The following CNTN6 variants were observed in gnomAD, a reference collection of about 807,000 sequenced individuals.
CNTN6 encodes contactin 6.
In CNTN6, 137 loss-of-function variants were observed where a neutral mutation model predicts 122.8. The observed-to-expected ratio is 1.12, with a 90% CI of 0.97 to 1.29. CNTN6 has a LOEUF of 1.29. Ranked by LOEUF, CNTN6 falls within the 50% of genes most tolerant of loss-of-function variation. The pLI, the probability that CNTN6 is intolerant of heterozygous loss-of-function variation, is 0.00. For synonymous variants in CNTN6, 570 were observed against 426.0 expected, an observed-to-expected ratio of 1.34 and a Z score of -4.16; for missense variants, 1,634 against 1,223.4, an observed-to-expected ratio of 1.34 and a Z score of -5.01.
At chr3:1,290,433 G>T (rs1695139166) in intron 5 of CNTN6, among the ~76,000 whole-genome samples, 1 of 152,140 alleles carries the variant, frequency 6.6e-6, no homozygotes, top group Non-Finnish European at 1.5e-5. Context: ...GAAGGCTAAA[G>T]GTGAGGAGGA....
intron 1 of CNTN6, among the ~76,000 whole-genome samples, chr3:1,124,398 C>G (rs567795082): frequency 6.6e-6 from 1 of 151,914 alleles, no homozygotes; most frequent in Non-Finnish European, 1.5e-5. Context: ...TGTTTCAGTA[C>G]TCCAACCACA....
intron 2 of CNTN6, among the ~76,000 whole-genome samples, chr3:1,161,877 TATTGTA>T (rs934903097): frequency 6.6e-6 from 1 of 152,106 alleles, no homozygotes; most frequent in African/African-American, 2.4e-5. Context: ...CACTAAATGA[TATTGTA>T]ATTGTTTTGT....
chr3:1,342,227 T>A (rs1703992477), intron 11 of CNTN6, among the ~76,000 whole-genome samples: 1 of 152,120 alleles, frequency 6.6e-6, no homozygotes, highest in Admixed American at 6.6e-5. Context: ...CCTTCCGGGT[T>A]CAAGCAATTC....
intron 1 of CNTN6, among the ~76,000 whole-genome samples, chr3:1,127,873 T>C (rs2092219399): frequency 6.6e-6 from 1 of 151,930 alleles, no homozygotes; most frequent in Non-Finnish European, 1.5e-5. Context: ...TGTGTGTATA[T>C]ATACATGAAA....
rs867662707 is a variant in CNTN6, at chr3:1,160,367, T to C, written c.55+12304T>C. Among the ~76,000 whole-genome samples the C allele has an allele frequency of 1.5e-3, 173 of 112,514 alleles. 3 individuals are homozygous for C. Among genetic ancestry groups the C allele is most frequent in the Middle Eastern group, 4.3e-3 (1 of 230 alleles). The allele number at this position is 112,514 out of a possible 152,430, so 73.8% of individuals were successfully genotyped here. On this transcript the variant is annotated intron_variant, in intron 2 of 22. Coordinates refer to ENST00000446702, the MANE Select transcript of CNTN6 (RefSeq NM_001289080.2). The stretch of plus-strand genomic sequence containing the variant: ...CTGTATATATATATATATATATATA[T>C]ACACACTACCTATATGGTCATTTAG...
At chr3:1,287,421 C>G (rs1406196701) in intron 5 of CNTN6, among the ~76,000 whole-genome samples, 1 of 152,188 alleles carries the variant, frequency 6.6e-6, no homozygotes, top group Non-Finnish European at 1.5e-5. Flanking sequence ...TACAGCCCAT[C>G]TCTTACATTC....
At chr3:1,245,679 A>G (rs2094573344) in intron 4 of CNTN6, among the ~76,000 whole-genome samples, 1 of 151,920 alleles carries the variant, frequency 6.6e-6, no homozygotes, top group Non-Finnish European at 1.5e-5. Flanking sequence ...CCAAAAACCT[A>G]TTGAAATAAA....
At chr3:1,151,372 G>T (rs1206360286) in intron 2 of CNTN6, among the ~76,000 whole-genome samples, 2 of 152,116 alleles carry the variant, frequency 1.3e-5, no homozygotes, top group African/African-American at 4.8e-5. Flanking sequence ...CTGTTAGTCT[G>T]GTTCATTCCT....
chr3:1,233,651 C>T (rs751228566), intron 4 of CNTN6, among the ~76,000 whole-genome samples: 14 of 141,292 alleles, frequency 9.9e-5, no homozygotes, highest in Non-Finnish European at 1.5e-4. Flanking sequence ...AGGAGAATCG[C>T]GTGAACCCGG....
At chr3:1,276,587 A>C (rs1692408346) in intron 4 of CNTN6, among the ~76,000 whole-genome samples, 1 of 152,192 alleles carries the variant, frequency 6.6e-6, no homozygotes, top group Non-Finnish European at 1.5e-5. Flanking sequence ...TCAGTACAAC[A>C]AAACGTCCCT....
intron 11 of CNTN6, among the ~76,000 whole-genome samples, chr3:1,338,476 A>G (rs960875040): frequency 1.8e-4 from 27 of 152,062 alleles, no homozygotes; most frequent in African/African-American, 6.5e-4. Flanking sequence ...GGTTTGGTGC[A>G]CACATATCTA....
chr3:1,218,994 C>T (rs1328214191), intron 2 of CNTN6, among the ~76,000 whole-genome samples: 1 of 109,088 alleles, frequency 9.2e-6, no homozygotes, highest in Non-Finnish European at 1.7e-5. Context: ...AAGGACATGC[C>T]AAAGGCAAGC....
chr3:1,134,648 T>C (rs1382475048), intron 1 of CNTN6, among the ~76,000 whole-genome samples: 1 of 152,250 alleles, frequency 6.6e-6, no homozygotes, highest in Non-Finnish European at 1.5e-5. Context: ...ACAGGAAAGT[T>C]AGCTAATCTC....
intron 1 of CNTN6, among the ~76,000 whole-genome samples, chr3:1,142,126 C>A (rs1049431417): frequency 2.6e-5 from 4 of 151,690 alleles, no homozygotes; most frequent in African/African-American, 9.7e-5. Context: ...CACATTTATT[C>A]CTGGTTTACT....
intron 4 of CNTN6, among the ~76,000 whole-genome samples, chr3:1,256,348 A>G (rs969079492): frequency 4.6e-5 from 7 of 152,152 alleles, no homozygotes; most frequent in Non-Finnish European, 1.0e-4. Flanking sequence ...TGATTGAGAA[A>G]TTTTGGATGT....
chr3:1,325,907 C>T lies in CNTN6; in HGVS notation c.1039C>T (p.Pro347Ser), dbSNP rs1307489022. The change falls in exon 9 of 23, where the codon CCT (proline) becomes TCT (serine). Residue 347 changes from proline (P) to serine (S), a missense_variant. Transcript: ENST00000446702. Reference sequence around the variant, plus strand: ...ATGTAAAGCTAGTGGAAAGCCAAACCCTTGGTATACATGGTTAAAAAATGG... The same window carrying T: ...ATGTAAAGCTAGTGGAAAGCCAAACTCTTGGTATACATGGTTAAAAAATGG... The part of the protein sequence containing the change: ...WECKASGKPN[P>S]WYTWLKNGER... The T allele has an allele frequency of 6.2e-7, 1 of 1,611,592 alleles. No homozygotes were observed. Among genetic ancestry groups the T allele is most frequent in the South Asian group, 1.1e-5 (1 of 91,002 alleles).
intron 4 of CNTN6, among the ~76,000 whole-genome samples, chr3:1,276,163 A>G (rs1692319268): frequency 6.6e-6 from 1 of 152,208 alleles, no homozygotes; most frequent in East Asian, 1.9e-4. Flanking sequence ...CACATCTCCC[A>G]TCCATTCCTC....
intron 4 of CNTN6, among the ~76,000 whole-genome samples, chr3:1,262,924 A>C (rs1361010596): frequency 6.6e-6 from 1 of 152,118 alleles, no homozygotes; most frequent in African/African-American, 2.4e-5. Flanking sequence ...ATAAAAAGAA[A>C]AATAACTAAA....
chr3:1,382,124 C>A, intron 17 of CNTN6, among the ~76,000 whole-genome samples: 1 of 151,442 alleles, frequency 6.6e-6, no homozygotes, highest in Non-Finnish European at 1.5e-5. Context: ...AAAAGCAAAG[C>A]ATTTTCCTTG....
Sources: allele counts gnomAD v4.1 joint callset (sites outside exome capture counted in the v4.1 genomes callset), GRCh38; gene constraint gnomAD v4.1.1; transcripts MANE v1.5; gene names NCBI Gene and HGNC (gene_info 2026-07-23, HGNC 2026-07-21).